The following CRYBG3 variants were observed in gnomAD, a reference collection of about 807,000 sequenced individuals.
CRYBG3 encodes very large A-kinase anchor protein.
In CRYBG3, 127 loss-of-function variants were observed where a neutral mutation model predicts 244.2. The observed-to-expected ratio is 0.52, with a 90% confidence interval of 0.45 to 0.60. The LOEUF (loss-of-function observed/expected upper bound fraction) is 0.60. Among genes scored for constraint, CRYBG3 ranks in the 20% least tolerant of loss-of-function variants. The pLI, the probability that CRYBG3 is intolerant of heterozygous loss-of-function variation, is 0.00. For missense variants in CRYBG3, 3,325 were observed against 3,442.5 expected, an observed-to-expected ratio of 0.97 and a Z score of 0.85; for synonymous variants, 1,132 against 1,195.8, an observed-to-expected ratio of 0.95 and a Z score of 1.10.
intron 1 of CRYBG3, chr3:97,837,182 C>T (rs2038746677): frequency 6.6e-6 from 1 of 152,136 alleles, no homozygotes; most frequent in African/African-American, 2.4e-5. Context: ...TCTTGTTCTG[C>T]ATTATTTTTC....
intron 3 of CRYBG3, among the ~76,000 whole-genome samples, chr3:97,867,533 G>A (rs2039249389): frequency 3.3e-5 from 5 of 152,000 alleles, no homozygotes; most frequent in African/African-American, 1.2e-4. Flanking sequence ...GTTACCTAGA[G>A]GCTTAATAAA....
At position 97,872,849 on chromosome 3, in the gene CRYBG3, T is replaced by C. The variant is rs1335706418; in HGVS notation, c.1655T>C (p.Ile552Thr). 2.5e-5 allele frequency: 38 copies of C among 1,535,804 alleles called. No individual in the cohort carries two copies. The East Asian group carries it at 8.6e-4, about 35-fold the overall frequency. ...SSHVKAPEDK[I>T]ESLPKDTDQY... ...CATGTAAAAGCTCCAGAAGATAAAA[T>C]TGAGTCATTACCCAAAGATACTGAC... is the stretch of plus-strand genomic sequence containing the variant. The change falls in exon 4 of 22, where the codon ATT becomes ACT. Residue 552 changes from isoleucine to threonine, a missense_variant. By Grantham distance (89) the Ile-to-Thr change is moderately conservative. Transcript: ENST00000389622.
chr3:97,906,974 A>G (rs1200841108), intron 15 of CRYBG3, among the ~76,000 whole-genome samples: 2 of 150,692 alleles, frequency 1.3e-5, no homozygotes, highest in African/African-American at 2.4e-5. Flanking sequence ...GAATTTTGTC[A>G]AAGGCTTTTT....
rs1329502048 is a variant in CRYBG3, at chr3:97,876,593, A to G, written c.5399A>G (p.Glu1800Gly). The change falls in exon 4 of 22, where the codon GAA (glutamate) becomes GGA (glycine). Residue 1800 changes from glutamate (E) to glycine (G), a missense_variant. Physicochemically the swap from Glu to Gly is moderately conservative, Grantham distance 98 (BLOSUM62 -2). Coordinates refer to ENST00000389622, the MANE Select transcript of CRYBG3 (RefSeq NM_153605.4). ...KTAEEVIKNT[E>G]IVPCVLKVKE... ...GCTGAAGAGGTCATTAAGAATACTG[A>G]AATAGTACCGTGTGTGTTAAAAGTG... 10 of 1,233,114 alleles carry G rather than the reference A, an allele frequency of 8.1e-6. No individual in the cohort carries two copies. The highest frequency in any genetic ancestry group is 1.0e-5 in the Non-Finnish European group (10 of 988,742). 76.4% of individuals were successfully genotyped at this position (1,233,114 alleles called of 1,614,324 possible). A position where few individuals can be genotyped will look rare whatever the true frequency, so the allele number is the denominator to read the frequency against.
intron 2 of CRYBG3, among the ~76,000 whole-genome samples, chr3:97,844,549 A>G (rs1326915069): frequency 1.3e-5 from 2 of 152,006 alleles, no homozygotes; most frequent in East Asian, 3.9e-4. Flanking sequence ...CCCTTTACCA[A>G]ACCTTCCTGC....
At chr3:97,899,350 G>T in intron 14 of CRYBG3, 87 bp downstream of exon 14, 1 of 1,369,704 alleles carries the variant, frequency 7.3e-7, no homozygotes, top group Non-Finnish European at 1.0e-6. Flanking sequence ...AAGTGGAGTT[G>T]TTGAATGATG....
chr3:97,895,561 T>C (rs1439319102), intron 11 of CRYBG3, among the ~76,000 whole-genome samples: 2 of 152,220 alleles, frequency 1.3e-5, no homozygotes, highest in Non-Finnish European at 2.9e-5. Flanking sequence ...CATTCCAGAA[T>C]GGCTTAATTA....
Position 97,874,785 on chromosome 3 carries a change from C to G in CRYBG3, c.3591C>G (p.Leu1197=), listed in dbSNP as rs2039350693. 2.6e-6 allele frequency: 4 copies of G among 1,535,802 alleles called. No homozygotes were observed. The highest frequency in any genetic ancestry group is 3.5e-6 in the Non-Finnish European group (4 of 1,146,880). Residue 1197 remains leucine, a synonymous_variant, in exon 4 of 22, where the codon CTC becomes CTG. Coordinates refer to ENST00000389622, the MANE Select transcript of CRYBG3 (RefSeq NM_153605.4). ...DQLLDLKSSL[L]KKADTLIGEI... is the part of the protein sequence containing the mutation. ...TTTTGGACCTCAAAAGTAGTTTACT[C>G]AAAAAGGCCGATACATTGATTGGTG...
rs148151959 is a variant in CRYBG3 at position 97,891,947 on chromosome 3, A to G, written c.7441-913A>G. Among the ~76,000 whole-genome samples, 65 of 152,282 alleles carry G rather than the reference A, an allele frequency of 4.3e-4. No homozygotes were observed. The East Asian group carries it at 8.1e-3, about 19-fold the overall frequency. On this transcript the variant is annotated intron_variant, in intron 10 of 21. Coordinates refer to ENST00000389622, the MANE Select transcript of CRYBG3 (RefSeq NM_153605.4). The stretch of plus-strand genomic sequence containing the variant: ...GCCATCCAGAAAACCAACAAGCAAA[A>G]TGCCTTGAACATCCCAAAAAACTGT...
chr3:97,907,231 G>A (rs1457175476), intron 15 of CRYBG3, among the ~76,000 whole-genome samples: 96 of 152,120 alleles, frequency 6.3e-4, no homozygotes, highest in Non-Finnish European at 1.5e-4. Context: ...TCTCTGCCTG[G>A]CTTTGGTATC....
intron 19 of CRYBG3, among the ~76,000 whole-genome samples, chr3:97,940,190 C>G (rs999330977): frequency 1.3e-5 from 2 of 151,960 alleles, no homozygotes; most frequent in Non-Finnish European, 2.9e-5. Context: ...GAAATAATGG[C>G]TTCTGTTGTG....
chr3:97,906,170 AG>A (rs573753338), intron 15 of CRYBG3, among the ~76,000 whole-genome samples: 5,228 of 149,250 alleles, frequency 0.035, 291 homozygotes, highest in African/African-American at 0.12. Flanking sequence ...GTTTGAAGTC[AG>A]GTAGTGTGAT....
chr3:97,829,256 G>A (rs1035919734), intron 1 of CRYBG3, among the ~76,000 whole-genome samples: 3 of 152,172 alleles, frequency 2.0e-5, no homozygotes, highest in African/African-American at 7.2e-5. Context: ...AGTAGTTTTT[G>A]TAATGCAGAG....
At chr3:97,826,821 C>T (rs2038583640) in intron 1 of CRYBG3, among the ~76,000 whole-genome samples, 1 of 152,206 alleles carries the variant, frequency 6.6e-6, no homozygotes. Context: ...AAGTGTACAT[C>T]TCTGTTCTTA....
chr3:97,829,358 C>G (rs2038623382), intron 1 of CRYBG3, among the ~76,000 whole-genome samples: 1 of 152,156 alleles, frequency 6.6e-6, no homozygotes, highest in South Asian at 2.1e-4. Context: ...TTGACACTTG[C>G]AGCCACAAAT....
At chr3:97,863,354 G>A (rs1033097829) in intron 2 of CRYBG3, among the ~76,000 whole-genome samples, 6 of 152,124 alleles carry the variant, frequency 3.9e-5, no homozygotes, top group Non-Finnish European at 8.8e-5. Flanking sequence ...TGATATAGCA[G>A]CTCAGTTTTT....
rs1180260454 is a variant in CRYBG3 at position 97,873,288 on chromosome 3, G to A, written c.2094G>A (p.Arg698=). The A allele has an allele frequency of 1.3e-6, 2 of 1,535,550 alleles. No homozygotes were observed. Among genetic ancestry groups the A allele is most frequent in the Non-Finnish European group, 1.7e-6 (2 of 1,146,736 alleles). Residue 698 remains arginine (R), a synonymous_variant, in exon 4 of 22, where the codon AGG becomes AGA. Coordinates refer to ENST00000389622, the MANE Select transcript of CRYBG3 (RefSeq NM_153605.4). ...VNIVGISYQP[R]KCKEENVKNH... is the part of the protein sequence containing the mutation. ...TTGTTGGTATTTCCTATCAGCCTAG[G>A]AAGTGTAAAGAAGAAAATGTGAAAA...
rs888310485 is a variant in CRYBG3 at position 97,876,107 on chromosome 3, C to G, written c.4913C>G (p.Pro1638Arg). 8.1e-7 allele frequency: 1 copy of G among 1,231,896 alleles called. No homozygotes were observed. Among genetic ancestry groups the G allele is most frequent in the East Asian group, 3.2e-5 (1 of 31,690 alleles). 76.3% of individuals were successfully genotyped at this position (1,231,896 alleles called of 1,614,324 possible). Reference protein sequence around the residue: ...EGDIGKIEVIPMMPEVKNIHQ... With the variant: ...EGDIGKIEVIRMMPEVKNIHQ... ...GATATTGGCAAAATTGAGGTGATAC[C>G]TATGATGCCAGAAGTGAAAAATATC... The change falls in exon 4 of 22, where the codon CCT (proline) becomes CGT (arginine). Residue 1638 changes from proline (P) to arginine (R), a missense_variant. Pro to Arg is a moderately radical substitution (Grantham distance 103). Around this residue, in one of 4 missense-constraint regions of CRYBG3, gnomAD observed 635 missense variants for 771.7 expected, o/e 0.82. Transcript: ENST00000389622.
intron 2 of CRYBG3, among the ~76,000 whole-genome samples, chr3:97,861,875 A>C (rs2039154883): frequency 6.6e-6 from 1 of 152,126 alleles, no homozygotes; most frequent in African/African-American, 2.4e-5. Context: ...TTTACTTTGA[A>C]TAGCAGTGTA....
Sources: gnomAD v4.1 joint callset for allele counts (sites outside exome capture counted in the v4.1 genomes callset) on GRCh38, gnomAD v4.1.1 for gene constraint, gnomAD v4.1.1 regional missense constraint, MANE v1.5 for transcripts, NCBI Gene and HGNC (gene_info 2026-07-23, HGNC 2026-07-21) for gene names.